ZBTB7C: variants seen among roughly 807,000 people sequenced by gnomAD.
ZBTB7C encodes the protein zinc finger and BTB domain-containing protein 7C.
In ZBTB7C, 8 loss-of-function variants were observed where a neutral mutation model predicts 25.7. That is an observed-to-expected ratio of 0.31 (90% CI 0.18 to 0.56). ZBTB7C has a LOEUF of 0.56. ZBTB7C is among the 20% of genes least tolerant of loss of function. ZBTB7C has a pLI of 0.91. For missense variants in ZBTB7C, 824 were observed against 855.2 expected (o/e 0.96, Z 0.46); for synonymous variants, 394 against 369.0 (o/e 1.07, Z -0.78).
At chr18:48,320,762 G>A (rs1052858714) in intron 2 of ZBTB7C, among the ~76,000 whole-genome samples, 1 of 152,194 alleles carries the variant, frequency 6.6e-6, no homozygotes, top group Non-Finnish European at 1.5e-5. Context: ...TGGCAGCTGC[G>A]GCCCTGCTTC....
chr18:48,360,333 T>G (rs561853896), intron 1 of ZBTB7C, among the ~76,000 whole-genome samples: 4 of 152,258 alleles, frequency 2.6e-5, no homozygotes, highest in African/African-American at 9.6e-5. Flanking sequence ...AGTCAACAGT[T>G]GAGCTGGGAT....
intron 2 of ZBTB7C, among the ~76,000 whole-genome samples, chr18:48,267,571 G>T (rs1235554888): frequency 3.3e-5 from 5 of 152,186 alleles, no homozygotes; most frequent in Admixed American, 6.5e-5. Context: ...GTTCCTCTGA[G>T]CACATCATGT....
chr18:48,406,449 C>CGTCTCTCTGCCTCAGTTTCTCCCT (rs2048285213), intron 1 of ZBTB7C, among the ~76,000 whole-genome samples: 1 of 152,178 alleles, frequency 6.6e-6, no homozygotes, highest in African/African-American at 2.4e-5. Flanking sequence ...ATACTCTCCC[C>CGTCTCTCTGCCTCAGTTTCTCCCT]GTCTCTCTGC....
At chr18:48,111,156 T>C (rs1359005225) in intron 3 of ZBTB7C, among the ~76,000 whole-genome samples, 1 of 151,980 alleles carries the variant, frequency 6.6e-6, no homozygotes, top group Non-Finnish European at 1.5e-5. Context: ...TGATGGTGGG[T>C]TTCTGGGTGT....
intron 2 of ZBTB7C, among the ~76,000 whole-genome samples, chr18:48,297,619 G>C (rs897788166): frequency 2.0e-5 from 3 of 152,166 alleles, no homozygotes; most frequent in African/African-American, 7.2e-5. Context: ...TTAGAGCAGG[G>C]CTTGGCAGCG....
intron 3 of ZBTB7C, among the ~76,000 whole-genome samples, chr18:48,046,957 A>C (rs949092911): frequency 6.6e-6 from 1 of 152,222 alleles, no homozygotes; most frequent in South Asian, 2.1e-4. Flanking sequence ...TGGTTTTCCC[A>C]GCAGTGACTT....
chr18:48,301,532 G>T (rs1053250015), intron 2 of ZBTB7C, among the ~76,000 whole-genome samples: 1 of 152,094 alleles, frequency 6.6e-6, no homozygotes, highest in African/African-American at 2.4e-5. Flanking sequence ...AGGGAGGAGT[G>T]GGGGAGTGGG....
At chr18:48,171,608 C>G (rs748402887) in intron 3 of ZBTB7C, among the ~76,000 whole-genome samples, 16 of 152,246 alleles carry the variant, frequency 1.1e-4, no homozygotes, top group Non-Finnish European at 1.9e-4. Context: ...CAGCACAACC[C>G]AGACAGAGGG....
At chr18:48,182,138 A>G (rs1430156682) in intron 3 of ZBTB7C, among the ~76,000 whole-genome samples, 1 of 152,174 alleles carries the variant, frequency 6.6e-6, no homozygotes, top group Non-Finnish European at 1.5e-5. Context: ...GAAAGATATT[A>G]TTTCAATCAA....
intron 3 of ZBTB7C, among the ~76,000 whole-genome samples, chr18:48,094,739 A>T (rs2038550999): frequency 6.6e-6 from 1 of 152,140 alleles, no homozygotes; most frequent in Non-Finnish European, 1.5e-5. Context: ...CTGCATTTTC[A>T]ATTGCAGTGA....
intron 3 of ZBTB7C, among the ~76,000 whole-genome samples, chr18:48,105,936 A>G (rs2039012906): frequency 6.6e-6 from 1 of 152,274 alleles, no homozygotes; most frequent in Non-Finnish European, 1.5e-5. Context: ...ATACTGTCAG[A>G]CTAGTCTTTC....
chr18:48,344,173 G>A (rs766633421), intron 1 of ZBTB7C, among the ~76,000 whole-genome samples: 1 of 152,086 alleles, frequency 6.6e-6, no homozygotes, highest in Non-Finnish European at 1.5e-5. Context: ...TAGTAGAGAC[G>A]GGGTTTCACC....
intron 3 of ZBTB7C, among the ~76,000 whole-genome samples, chr18:48,159,658 T>C (rs1568266089): frequency 6.6e-6 from 1 of 152,252 alleles, no homozygotes; most frequent in African/African-American, 2.4e-5. Flanking sequence ...CAAAATATTA[T>C]TTTAATCATT....
chr18:48,097,080 G>T (rs572280183), intron 3 of ZBTB7C, among the ~76,000 whole-genome samples: 3 of 152,316 alleles, frequency 2.0e-5, no homozygotes, highest in Non-Finnish European at 4.4e-5. Context: ...TTCTTTTCCT[G>T]AAAACTGTTT....
chr18:48,133,285 G>T (rs1017530436), intron 3 of ZBTB7C, among the ~76,000 whole-genome samples: 4 of 152,230 alleles, frequency 2.6e-5, no homozygotes, highest in African/African-American at 7.2e-5. Context: ...TGAAGTGGAA[G>T]GAGGCCCACT....
chr18:48,348,781 C>T (rs2046798814), intron 1 of ZBTB7C, among the ~76,000 whole-genome samples: 1 of 152,268 alleles, frequency 6.6e-6, no homozygotes, highest in African/African-American at 2.4e-5. Flanking sequence ...CGTGCCACTG[C>T]ACTCCAGCCT....
chr18:48,363,457 C>T (rs1280220084), intron 1 of ZBTB7C, among the ~76,000 whole-genome samples: 1 of 151,868 alleles, frequency 6.6e-6, no homozygotes, highest in Non-Finnish European at 1.5e-5. Flanking sequence ...AAAGAAAATA[C>T]CCCACAGGAA....
intron 2 of ZBTB7C, among the ~76,000 whole-genome samples, chr18:48,306,914 A>G (rs1163868974): frequency 6.6e-6 from 1 of 152,184 alleles, no homozygotes; most frequent in East Asian, 1.9e-4. Flanking sequence ...TCTCTGAGGC[A>G]CACAGTGTAA....
intron 2 of ZBTB7C, among the ~76,000 whole-genome samples, chr18:48,277,366 C>T (rs1378807456): frequency 2.0e-5 from 3 of 150,960 alleles, no homozygotes; most frequent in Non-Finnish European, 4.4e-5. Flanking sequence ...CAAAAGAAGA[C>T]ATTTATGCAG....
Sources: allele counts gnomAD v4.1 joint callset (sites outside exome capture counted in the v4.1 genomes callset), GRCh38; gene constraint gnomAD v4.1.1; transcripts MANE v1.5; gene names NCBI Gene and HGNC (gene_info 2026-07-23, HGNC 2026-07-21).